Variants in LTC4S observed in about 807,000 individuals in gnomAD.
LTC4S encodes leukotriene C4 synthase.
A neutral mutation model predicts 19.6 loss-of-function variants in LTC4S; 18 were observed. The ratio of observed to expected loss-of-function variants is 0.92; its 90% CI spans 0.64 to 1.36. The LOEUF is 1.36. Ranked by LOEUF, LTC4S falls within the 40% of genes most tolerant of loss-of-function variation. LTC4S has a pLI of 0.00. For missense variants in LTC4S, 235 were observed against 212.2 expected (o/e 1.11, Z -0.67); for synonymous variants, 126 against 110.1 (o/e 1.14, Z -0.91).
intron 1 of LTC4S, 186 bp from the exon 2 acceptor site, chr5:179,795,398 C>G: frequency 2.8e-6 from 4 of 1,444,006 alleles, no homozygotes; most frequent in Non-Finnish European, 3.6e-6. Flanking sequence ...CGCTGAATGT[C>G]AGGGACACAG....
chr5:179,796,211 C>A, intron 4 of LTC4S, 42 bp from the exon 5 acceptor site: 2 of 1,379,058 alleles, frequency 1.5e-6, no homozygotes, highest in South Asian at 1.4e-5. Context: ...GGGGAAGAAG[C>A]GGGCCTCCTC....
chr5:179,795,990 C>T lies in LTC4S; in HGVS notation c.279C>T (p.Tyr93=), dbSNP rs753370261. The T allele has an allele frequency of 1.3e-6, 2 of 1,537,378 alleles. No individual in the cohort carries two copies. The highest frequency in any genetic ancestry group is 8.7e-7 in the Non-Finnish European group (1 of 1,147,834). The change falls in exon 4 of 5, where the codon TAC becomes TAT. Residue 93 remains tyrosine (Y), a synonymous_variant. Coordinates refer to ENST00000292596, the MANE Select transcript of LTC4S (RefSeq NM_145867.2). The part of the protein sequence containing the change: ...GLVYLFARLR[Y]FQGYARSAQL... The stretch of plus-strand genomic sequence containing the variant: ...TCTACCTGTTCGCGCGCCTCCGCTA[C>T]TTCCAGGGCTACGCGCGCTCCGCGC...
chr5:179,794,342 T>C (rs1756546590), intron 1 of LTC4S, among the ~76,000 whole-genome samples: 1 of 152,010 alleles, frequency 6.6e-6, no homozygotes, highest in African/African-American at 2.4e-5. Flanking sequence ...GGACAAATGG[T>C]AGGATAGCCA....
At chr5:179,795,488 C>G in intron 1 of LTC4S, 96 bp from the exon 2 acceptor site, 2 of 1,525,542 alleles carry the variant, frequency 1.3e-6, no homozygotes, top group Admixed American at 2.0e-5. Context: ...GGAGAGGACA[C>G]GGCCAAGTGA....
chr5:179,794,369 G>C lies in LTC4S; in HGVS notation c.58+231G>C, dbSNP rs149458266. On this transcript the variant is annotated intron_variant, in intron 1 of 4. Transcript: ENST00000292596. ...GGATAGCCATGGGCTTGGGGAAGCT[G>C]ATCTCTGCTCTTTCCAGCTGTCCCC... Among the ~76,000 whole-genome samples, 33 of 152,276 alleles carry C rather than the reference G, an allele frequency of 2.2e-4. No individual in the cohort carries two copies. The East Asian group carries it at 6.4e-3, about 29-fold the overall frequency.
In LTC4S at chr5:179,796,455, G is replaced by T; in HGVS notation, c.*61G>T. ...AGAGCCGGAGCCTCCAGCTGCCCCG[G>T]GGAGGGGCGCTCGCTTCCGCATCCT... On this transcript the variant is annotated 3_prime_UTR_variant, in exon 5 of 5. Coordinates refer to ENST00000292596, the MANE Select transcript of LTC4S (RefSeq NM_145867.2). The T allele has an allele frequency of 2.8e-6, 4 of 1,426,734 alleles. No individual in the cohort carries two copies. The highest frequency in any genetic ancestry group is 1.4e-5 in the South Asian group (1 of 72,336). The allele number at this position is 1,426,734 out of a possible 1,614,324, so 88.4% of individuals were successfully genotyped here. A position where few individuals can be genotyped will look rare whatever the true frequency, so the allele number is the denominator to read the frequency against.
rs892123439 is a variant in LTC4S at position 179,796,582 on chromosome 5, C to G, written c.*188C>G. On this transcript the variant is annotated 3_prime_UTR_variant, in exon 5 of 5. Coordinates refer to ENST00000292596, the MANE Select transcript of LTC4S (RefSeq NM_145867.2). The stretch of plus-strand genomic sequence containing the variant: ...CTACGGAGCCTGGAGGGGCCCAGCC[C>G]GAGTCCGGGCAGCCCGGGGCGGGCT... 2 of 870,432 alleles carry G rather than the reference C, an allele frequency of 2.3e-6. No individual in the cohort carries two copies. The highest frequency in any genetic ancestry group is 3.6e-5 in the African/African-American group (2 of 55,938). 53.9% of individuals were successfully genotyped at this position (870,432 alleles called of 1,614,324 possible).
rs1002418565 is a variant in LTC4S at position 179,796,597 on chromosome 5, C to T, written c.*203C>T. 5.6e-6 allele frequency: 4 copies of T among 718,866 alleles called. No individual in the cohort carries two copies. The highest frequency in any genetic ancestry group is 7.9e-6 in the Non-Finnish European group (4 of 504,706). The allele number at this position is 718,866 out of a possible 1,614,324, so 44.5% of individuals were successfully genotyped here. The stretch of plus-strand genomic sequence containing the variant: ...GGGCCCAGCCCGAGTCCGGGCAGCC[C>T]GGGGCGGGCTTCCTAGTGGCGGCGT... On this transcript the variant is annotated 3_prime_UTR_variant, in exon 5 of 5. Coordinates refer to ENST00000292596, the MANE Select transcript of LTC4S (RefSeq NM_145867.2).
chr5:179,794,240 C>G, intron 1 of LTC4S, 102 bp downstream of exon 1: 1 of 1,436,028 alleles, frequency 7.0e-7, no homozygotes, highest in Non-Finnish European at 9.7e-7. Flanking sequence ...GACTCCAGCC[C>G]AGGCCCAAGC....
intron 1 of LTC4S, chr5:179,795,182 C>T: frequency 3.9e-6 from 1 of 254,154 alleles, no homozygotes; most frequent in Non-Finnish European, 7.5e-6. Context: ...GCCAGCTCTG[C>T]CCTCAGACTC....
rs1304139951 is a variant in LTC4S, at chr5:179,796,270, C to T, written c.329C>T (p.Ala110Val). Residue 110 changes from alanine (A) to valine (V), a missense_variant, in exon 5 of 5, where the codon GCG (alanine) becomes GTG (valine). Ala to Val is a moderately conservative substitution (Grantham distance 64). Coordinates refer to ENST00000292596, the MANE Select transcript of LTC4S (RefSeq NM_145867.2). ...SAQLRLAPLY[A>V]SARALWLLVA... is the part of the protein sequence containing the mutation. Reference sequence around the variant, plus strand: ...GCCCGCAGGCTGGCACCGCTGTACGCGAGCGCGCGCGCCCTCTGGCTGCTG... The same window carrying T: ...GCCCGCAGGCTGGCACCGCTGTACGTGAGCGCGCGCGCCCTCTGGCTGCTG... 1 of 1,467,528 alleles carries T rather than the reference C, an allele frequency of 6.8e-7. No individual in the cohort carries two copies. The highest frequency in any genetic ancestry group is 2.4e-5 in the Admixed American group (1 of 41,538). The allele number at this position is 1,467,528 out of a possible 1,614,324, so 90.9% of individuals were successfully genotyped here.
Position 179,795,560 on chromosome 5 carries a change from C to T in LTC4S, c.59-24C>T, listed in dbSNP as rs567283587. On this transcript the variant is annotated intron_variant, in intron 1 of 4. Transcript: ENST00000292596. Reference sequence around the variant, plus strand: ...TGGGGCTTCGGGTGTCCAGACCTGACTCCCGCTCCCCCTCCTCCCCCAGCC... The same window carrying T: ...TGGGGCTTCGGGTGTCCAGACCTGATTCCCGCTCCCCCTCCTCCCCCAGCC... 2.1e-5 allele frequency: 33 copies of T among 1,595,550 alleles called. No homozygotes were observed. The African/African-American group carries it at 3.9e-4, about 19-fold the overall frequency.
Position 179,794,043 on chromosome 5 carries a change from C to T in LTC4S, c.-38C>T, listed in dbSNP as rs757364586. The T allele has an allele frequency of 6.2e-7, 1 of 1,613,328 alleles. No individual in the cohort carries two copies. The highest frequency in any genetic ancestry group is 1.7e-5 in the Admixed American group (1 of 60,012). ...ACGGGGCTAAGCGTTCCCCAGCTCG[C>T]CTTCACACACAGCCCGTGCCACCAC... On this transcript the variant is annotated 5_prime_UTR_variant, in exon 1 of 5. Coordinates refer to ENST00000292596, the MANE Select transcript of LTC4S (RefSeq NM_145867.2).
rs763281547 is a variant in LTC4S, at chr5:179,795,697, G to A, written c.158+14G>A. The A allele has an allele frequency of 5.1e-6, 8 of 1,581,856 alleles. No homozygotes were observed. The East Asian group carries it at 1.9e-4, about 37-fold the overall frequency. ...CTACCGAGCCCAGTGAGGCGCGGCG[G>A]GAGGGCGCGGGGCGGGGAGCGAGCC... On this transcript the variant is annotated intron_variant, in intron 2 of 4. Coordinates refer to ENST00000292596, the MANE Select transcript of LTC4S (RefSeq NM_145867.2).
intron 1 of LTC4S, chr5:179,795,213 G>A (rs2113411822): frequency 3.0e-6 from 1 of 333,420 alleles, no homozygotes; most frequent in Non-Finnish European, 5.1e-6. Flanking sequence ...TCCTGGCCAG[G>A]GACCTGAAAG....
At chr5:179,795,380 G>A in intron 1 of LTC4S, 1 of 1,434,832 alleles carries the variant, frequency 7.0e-7, no homozygotes, top group Non-Finnish European at 9.1e-7. Context: ...CTTCAGCCCT[G>A]CCCTCCTCGC....
At position 179,795,569 on chromosome 5, in the gene LTC4S, C is replaced by T. The variant is rs750925670; in HGVS notation, c.59-15C>T. 23 of 1,602,774 alleles carry T rather than the reference C, an allele frequency of 1.4e-5. No individual in the cohort carries two copies. The highest frequency in any genetic ancestry group is 3.4e-5 in the Admixed American group (2 of 59,612). ...GGGTGTCCAGACCTGACTCCCGCTCCCCCTCCTCCCCCAGCCTACTTCTCC... is the reference window on the plus strand; with the variant it reads ...GGGTGTCCAGACCTGACTCCCGCTCTCCCTCCTCCCCCAGCCTACTTCTCC... On this transcript the variant is annotated splice_polypyrimidine_tract_variant and intron_variant, in intron 1 of 4. Transcript: ENST00000292596.
intron 1 of LTC4S, 149 bp from the exon 2 acceptor site, chr5:179,795,435 A>C: frequency 1.5e-6 from 2 of 1,357,674 alleles, no homozygotes; most frequent in Non-Finnish European, 2.0e-6. Flanking sequence ...GTGAGACGAG[A>C]GGTCTCCTCG....
At chr5:179,794,159 G>A (rs762428947) in intron 1 of LTC4S, 21 bp downstream of exon 1, 98 of 1,613,038 alleles carry the variant, frequency 6.1e-5, no homozygotes, top group Non-Finnish European at 8.1e-5. Context: ...TCCTATCTAG[G>A]AAGAGGGTGG....
Sources: gnomAD v4.1 joint callset for allele counts (sites outside exome capture counted in the v4.1 genomes callset) on GRCh38, gnomAD v4.1.1 for gene constraint, MANE v1.5 for transcripts, NCBI Gene and HGNC (gene_info 2026-07-23, HGNC 2026-07-21) for gene names.